NBEAL1: variants seen among roughly 807,000 people sequenced by gnomAD.
NBEAL1 encodes neurobeachin like 1, also known as neurobeachin-like protein 1.
In NBEAL1, 273 loss-of-function variants were observed where a neutral mutation model predicts 351.3. The observed-to-expected ratio is 0.78, with a 90% CI of 0.70 to 0.86. NBEAL1 has a LOEUF of 0.86. Ranked by LOEUF, NBEAL1 falls within the 40% of genes least tolerant of loss-of-function variation. The pLI is 0.00. For missense variants in NBEAL1, 2,961 were observed against 3,201.3 expected, an observed-to-expected ratio of 0.92 and a Z score of 1.81; for synonymous variants, 1,050 against 1,086.4, an observed-to-expected ratio of 0.97 and a Z score of 0.66.
At chr2:203,032,796 C>G (rs2060972357) in intron 2 of NBEAL1, among the ~76,000 whole-genome samples, 2 of 146,072 alleles carry the variant, frequency 1.4e-5, no homozygotes, top group African/African-American at 5.0e-5. Context: ...TCCCGAGTAG[C>G]TGGGACTACA....
intron 3 of NBEAL1, among the ~76,000 whole-genome samples, chr2:203,046,696 C>T (rs1208053452): frequency 1.3e-5 from 2 of 152,160 alleles, no homozygotes; most frequent in East Asian, 1.9e-4. Flanking sequence ...CAACTCCCTT[C>T]ACTCTGTTTA....
chr2:203,156,603 G>T (rs1473477836), intron 35 of NBEAL1, among the ~76,000 whole-genome samples: 1 of 152,146 alleles, frequency 6.6e-6, no homozygotes, highest in African/African-American at 2.4e-5. Context: ...TTGTTCTAGG[G>T]AAAATGTGAA....
chr2:203,108,367 A>T (rs758623563), intron 14 of NBEAL1, among the ~76,000 whole-genome samples, 179 bp downstream of exon 14: 1 of 150,578 alleles, frequency 6.6e-6, no homozygotes, highest in African/African-American at 2.4e-5. Context: ...TCATAGTAAT[A>T]GCTGTTTATC....
Position 203,014,930 on chromosome 2 carries a change from C to G in NBEAL1, c.-282C>G, listed in dbSNP as rs1334738103. ...ACGGGGCTTCGCCTTGGGAAGGGGT[C>G]GAGGGAAGCAGTTAGACGGCTGCCG... On this transcript the variant is annotated 5_prime_UTR_variant, in exon 1 of 56. Coordinates refer to ENST00000683969, the MANE Select transcript of NBEAL1 (RefSeq NM_001378026.1). 1 of 152,210 alleles carries G rather than the reference C, an allele frequency of 6.6e-6. No homozygotes were observed. The highest frequency in any genetic ancestry group is 1.5e-5 in the Non-Finnish European group (1 of 68,090). The allele number at this position is 152,210 out of a possible 1,614,324, so 9.4% of individuals were successfully genotyped here.
At chr2:203,049,400 A>G (rs917820287) in intron 3 of NBEAL1, among the ~76,000 whole-genome samples, 1 of 152,144 alleles carries the variant, frequency 6.6e-6, no homozygotes, top group Non-Finnish European at 1.5e-5. Context: ...CTTCATTTTT[A>G]CTTTACAGTT....
chr2:203,033,451 A>G (rs867848931), intron 2 of NBEAL1, among the ~76,000 whole-genome samples: 1 of 152,248 alleles, frequency 6.6e-6, no homozygotes, highest in Non-Finnish European at 1.5e-5. Context: ...TCTTGGGATT[A>G]GTAGCATAAA....
chr2:203,097,242 A>C (rs986360020), intron 10 of NBEAL1, among the ~76,000 whole-genome samples: 20 of 152,342 alleles, frequency 1.3e-4, no homozygotes, highest in African/African-American at 4.6e-4. Flanking sequence ...CACAGAGCCA[A>C]ACCATATCAA....
chr2:203,104,155 T>G (rs1387941148), intron 12 of NBEAL1, among the ~76,000 whole-genome samples: 1 of 152,184 alleles, frequency 6.6e-6, no homozygotes, highest in Non-Finnish European at 1.5e-5. Flanking sequence ...CCTGAATATC[T>G]TTGTTAGTTT....
intron 35 of NBEAL1, among the ~76,000 whole-genome samples, chr2:203,152,774 T>A (rs1222020504): frequency 6.6e-6 from 1 of 152,094 alleles, no homozygotes; most frequent in Non-Finnish European, 1.5e-5. Flanking sequence ...CAGTGGCTCA[T>A]GCCTGTAATC....
chr2:203,040,067 G>C, intron 2 of NBEAL1: 2 of 710,174 alleles, frequency 2.8e-6, no homozygotes, highest in Non-Finnish European at 4.9e-6. Flanking sequence ...AAAATGACTT[G>C]GGGTGGGGTT....
chr2:203,112,346 C>T (rs2062593068), intron 16 of NBEAL1, among the ~76,000 whole-genome samples: 1 of 152,170 alleles, frequency 6.6e-6, no homozygotes, highest in African/African-American at 2.4e-5. Context: ...AGACTTATAA[C>T]AGGAAAGCCA....
intron 18 of NBEAL1, among the ~76,000 whole-genome samples, chr2:203,119,091 G>T (rs1428379331): frequency 2.6e-5 from 4 of 151,712 alleles, no homozygotes; most frequent in African/African-American, 9.7e-5. Flanking sequence ...ATTACTGAAG[G>T]AATGTTTCTG....
At position 203,119,467 on chromosome 2, in the gene NBEAL1, C is replaced by A. The variant is rs572589142; in HGVS notation, c.2593-2787C>A. 6.2e-4 allele frequency among the ~76,000 whole-genome samples: 63 copies of A among 101,202 alleles called. 1 individual carries two copies. The highest frequency in any genetic ancestry group is 2.2e-3 in the African/African-American group (59 of 27,112). 66.4% of individuals were successfully genotyped at this position (101,202 alleles called of 152,430 possible). On this transcript the variant is annotated intron_variant, in intron 18 of 55. Transcript: ENST00000683969. ...TTTGAGACGGAGTCTCGCTCTGTTG[C>A]CAGGCTGGAGTGCAGTGGCGCAATC...
Position 203,068,464 on chromosome 2 carries a change from C to T in NBEAL1, c.587C>T (p.Pro196Leu). 6.5e-7 allele frequency: 1 copy of T among 1,542,620 alleles called. No homozygotes were observed. Among genetic ancestry groups the T allele is most frequent in the Non-Finnish European group, 8.8e-7 (1 of 1,139,910 alleles). The change falls in exon 7 of 56, where the codon CCT becomes CTT. Residue 196 changes from proline to leucine, a missense_variant. Physicochemically the swap from Pro to Leu is moderately conservative, Grantham distance 98. Coordinates refer to ENST00000683969, the MANE Select transcript of NBEAL1 (RefSeq NM_001378026.1). ...KPASLTVEFV[P>L]FFYQCFQESE... is the part of the protein sequence containing the mutation. ...GCTTCTCTCACAGTGGAATTCGTCCCTTTCTTTTATCGTAAGTAACACCTC... is the reference window on the plus strand; with the variant it reads ...GCTTCTCTCACAGTGGAATTCGTCCTTTTCTTTTATCGTAAGTAACACCTC...
chr2:203,171,949 T>A lies in NBEAL1; in HGVS notation c.6124T>A (p.Ser2042Thr), dbSNP rs1464332723. ...LTQKWVNREI[S>T]NFDYLIQINT... is the part of the protein sequence containing the mutation. Reference sequence around the variant, plus strand: ...CTAGAAATGGGTAAACAGAGAGATATCAAATTTTGACTACCTCATTCAAAT... The same window carrying A: ...CTAGAAATGGGTAAACAGAGAGATAACAAATTTTGACTACCTCATTCAAAT... The change falls in exon 40 of 56, where the codon TCA becomes ACA. Residue 2042 changes from serine (S) to threonine (T), a missense_variant. Coordinates refer to ENST00000683969, the MANE Select transcript of NBEAL1 (RefSeq NM_001378026.1). 1.9e-6 allele frequency: 3 copies of A among 1,603,480 alleles called. No individual in the cohort carries two copies. The highest frequency in any genetic ancestry group is 2.2e-5 in the East Asian group (1 of 44,538).
chr2:203,045,340 T>C (rs1352502966), intron 3 of NBEAL1, among the ~76,000 whole-genome samples: 1 of 152,178 alleles, frequency 6.6e-6, no homozygotes, highest in Non-Finnish European at 1.5e-5. Context: ...ATTTTGAAAA[T>C]TGGTTATATC....
chr2:203,209,783 C>A (rs2065728088), intron 53 of NBEAL1, among the ~76,000 whole-genome samples: 1 of 149,552 alleles, frequency 6.7e-6, no homozygotes, highest in African/African-American at 2.5e-5. Context: ...GTTGTCCAAG[C>A]TGGAGTGCAG....
At chr2:203,183,504 A>G (rs2064794899) in intron 44 of NBEAL1, 116 bp downstream of exon 44, 7 of 599,998 alleles carry the variant, frequency 1.2e-5, no homozygotes, top group Non-Finnish European at 2.0e-5. Flanking sequence ...TCTATTATAT[A>G]TGCTGACTTT....
rs758797427 is a variant in NBEAL1 at position 203,221,307 on chromosome 2, G to A, written c.*3953G>A. Among the ~76,000 whole-genome samples, 2 of 151,494 alleles carry A rather than the reference G, an allele frequency of 1.3e-5. No individual in the cohort carries two copies. Among genetic ancestry groups the A allele is most frequent in the African/African-American group, 2.4e-5 (1 of 41,314 alleles). On this transcript the variant is annotated 3_prime_UTR_variant, in exon 56 of 56. Transcript: ENST00000683969. ...CTTTTATATATTTATAAAATGAGTA[G>A]CATTATCTTTACCACCTTTCCACTG...
Sources: gnomAD v4.1 joint callset for allele counts (sites outside exome capture counted in the v4.1 genomes callset) on GRCh38, gnomAD v4.1.1 for gene constraint, MANE v1.5 for transcripts, NCBI Gene and HGNC (gene_info 2026-07-23, HGNC 2026-07-21) for gene names.